ATP10D: variants seen among roughly 807,000 people sequenced by gnomAD.
The protein encoded by ATP10D is ATPase phospholipid transporting 10D (putative).
In ATP10D, 89 loss-of-function variants were observed where a neutral mutation model predicts 144.8. The observed-to-expected ratio is 0.61, with a 90% confidence interval of 0.52 to 0.73. The LOEUF is 0.73. Ranked by LOEUF, ATP10D falls within the 30% of genes least tolerant of loss-of-function variation. The pLI, the probability that ATP10D is intolerant of heterozygous loss-of-function variation, is 0.00. For missense variants in ATP10D, 1,603 were observed against 1,714.8 expected, an observed-to-expected ratio of 0.93 and a Z score of 1.15; for synonymous variants, 571 against 615.1, an observed-to-expected ratio of 0.93 and a Z score of 1.06.
chr4:47,578,267 C>T (rs1720336930), intron 19 of ATP10D: 1 of 152,144 alleles, frequency 6.6e-6, no homozygotes, highest in Non-Finnish European at 1.5e-5. Context: ...GGTCGTTTTC[C>T]TGTGTTCAGT....
chr4:47,526,663 T>C (rs1225240487), intron 5 of ATP10D, among the ~76,000 whole-genome samples: 1 of 152,194 alleles, frequency 6.6e-6, no homozygotes, highest in Non-Finnish European at 1.5e-5. Context: ...ATAATGAGTT[T>C]AGCAATGTTG....
chr4:47,525,446 C>A (rs1462473321), intron 4 of ATP10D, 111 bp from the exon 5 acceptor site: 14 of 751,886 alleles, frequency 1.9e-5, no homozygotes, highest in South Asian at 1.8e-5. Context: ...ATATGAACTT[C>A]ATTGCAAAAA....
In ATP10D at chr4:47,531,551, TA is replaced by T. The variant is rs1183080501; in HGVS notation, c.777-3957del. 5.9e-5 allele frequency among the ~76,000 whole-genome samples: 9 copies of T among 152,328 alleles called. 1 individual carries two copies. The South Asian group carries it at 8.3e-4, about 14-fold the overall frequency. ...GTGTATTTTGTTAAAAAGAAACATT[TA>T]TCCTGAAGTTATTGGGGTTAGTATT... On this transcript the variant is annotated intron_variant, in intron 5 of 22. Coordinates refer to ENST00000273859, the MANE Select transcript of ATP10D (RefSeq NM_020453.4).
At chr4:47,486,678 T>C (rs1714776596) in intron 1 of ATP10D, among the ~76,000 whole-genome samples, 1 of 152,218 alleles carries the variant, frequency 6.6e-6, no homozygotes, top group South Asian at 2.1e-4. Flanking sequence ...CTATTCTCAC[T>C]ACAAATACGT....
Position 47,558,292 on chromosome 4 carries a change from G to GAAAT in ATP10D, c.2434+21_2434+24dup. On this transcript the variant is annotated intron_variant, in intron 12 of 22. Coordinates refer to ENST00000273859, the MANE Select transcript of ATP10D (RefSeq NM_020453.4). ...TCCCCAGGTAAGTTTATACAAAAGT[G>GAAAT]AAATAGTAGTGATTTGAAAAGCTCG... 6.2e-7 allele frequency: 1 copy of GAAAT among 1,603,734 alleles called. No individual in the cohort carries two copies.
At chr4:47,551,569 T>C (rs1452040532) in intron 10 of ATP10D, among the ~76,000 whole-genome samples, 3 of 152,256 alleles carry the variant, frequency 2.0e-5, no homozygotes, top group Non-Finnish European at 4.4e-5. Context: ...TAGTAACATA[T>C]GACAATACAC....
chr4:47,577,748 G>A (rs1011051807), intron 19 of ATP10D, among the ~76,000 whole-genome samples: 3 of 152,182 alleles, frequency 2.0e-5, no homozygotes, highest in Non-Finnish European at 2.9e-5. Flanking sequence ...CACAGATTCA[G>A]CTTTCAGGAA....
chr4:47,555,314 C>A (rs1289303231), intron 11 of ATP10D, among the ~76,000 whole-genome samples: 1 of 152,216 alleles, frequency 6.6e-6, no homozygotes, highest in Non-Finnish European at 1.5e-5. Flanking sequence ...CCCAGAGAAT[C>A]TAATACCTGA....
intron 6 of ATP10D, 56 bp from the exon 7 acceptor site, chr4:47,535,846 A>G: frequency 1.3e-6 from 2 of 1,555,386 alleles, no homozygotes; most frequent in East Asian, 2.3e-5. Flanking sequence ...TAAATATGGT[A>G]TTCGCTTCTT....
intron 15 of ATP10D, among the ~76,000 whole-genome samples, chr4:47,566,672 A>T (rs1254079542): frequency 6.6e-6 from 1 of 152,128 alleles, no homozygotes; most frequent in Admixed American, 6.6e-5. Context: ...TTATTTGTAG[A>T]GTTATAGTTT....
chr4:47,584,542 A>G (rs1720689594), intron 21 of ATP10D, among the ~76,000 whole-genome samples: 1 of 151,668 alleles, frequency 6.6e-6, no homozygotes, highest in African/African-American at 2.4e-5. Flanking sequence ...ACAGGCGCCC[A>G]CCACCACGCC....
At chr4:47,507,777 G>T (rs997546742) in intron 1 of ATP10D, among the ~76,000 whole-genome samples, 5 of 152,158 alleles carry the variant, frequency 3.3e-5, no homozygotes, top group African/African-American at 1.2e-4. Flanking sequence ...CCATGCTCAG[G>T]GTTCTAATGG....
intron 20 of ATP10D, 80 bp downstream of exon 20, chr4:47,580,558 A>G: frequency 1.6e-6 from 2 of 1,259,740 alleles, no homozygotes; most frequent in Non-Finnish European, 1.2e-6. Context: ...ATTTCAGCAT[A>G]AAGGAGGGCA....
intron 19 of ATP10D, among the ~76,000 whole-genome samples, 189 bp from the exon 20 acceptor site, chr4:47,580,208 AT>A (rs796288737): frequency 6.6e-6 from 1 of 152,152 alleles, no homozygotes; most frequent in Non-Finnish European, 1.5e-5. Context: ...TCCTTCAAGG[AT>A]TTTTTTCATC....
chr4:47,545,869 T>G (rs758433947), intron 9 of ATP10D, among the ~76,000 whole-genome samples: 10 of 152,180 alleles, frequency 6.6e-5, no homozygotes, highest in Non-Finnish European at 1.2e-4. Context: ...TGGGAAGTCT[T>G]CACTTCCCAG....
chr4:47,547,874 C>T (rs1718523028), intron 10 of ATP10D, among the ~76,000 whole-genome samples: 1 of 152,076 alleles, frequency 6.6e-6, no homozygotes, highest in Admixed American at 6.5e-5. Context: ...TTCTGTGGCA[C>T]TAATATAAAA....
intron 19 of ATP10D, 53 bp downstream of exon 19, chr4:47,577,026 A>G: frequency 6.5e-7 from 1 of 1,539,964 alleles, no homozygotes; most frequent in South Asian, 1.1e-5. Flanking sequence ...TGTCAAAGCC[A>G]GTGTGTTTTC....
At position 47,591,356 on chromosome 4, in the gene ATP10D, G is replaced by T. The variant is rs753727748; in HGVS notation, c.4256G>T (p.Gly1419Val). 3.7e-6 allele frequency: 6 copies of T among 1,610,040 alleles called. No individual in the cohort carries two copies. In the African/African-American group the frequency reaches 8.0e-5, roughly 22 times the overall value. Reference protein sequence around the residue: ...YSETKAFEMAGPSKGKES With the variant: ...YSETKAFEMAVPSKGKES The stretch of plus-strand genomic sequence containing the variant: ...GAAACTAAGGCCTTTGAGATGGCTG[G>T]ACCCTCCAAAGGTAAAGAAAGCTAG... The change falls in exon 23 of 23, where the codon GGA (glycine) becomes GTA (valine). Residue 1419 changes from glycine to valine, a missense_variant. By Grantham distance (109) the Gly-to-Val change is moderately radical. Coordinates refer to ENST00000273859, the MANE Select transcript of ATP10D (RefSeq NM_020453.4).
chr4:47,572,852 T>G lies in ATP10D; in HGVS notation c.3241-20T>G, dbSNP rs768588749. The G allele has an allele frequency of 6.2e-7, 1 of 1,613,902 alleles. No individual in the cohort carries two copies. Among genetic ancestry groups the G allele is most frequent in the African/African-American group, 1.3e-5 (1 of 74,922 alleles). Reference sequence around the variant, plus strand: ...TGTTTGATCACTCAGGATGGCATTCTCTCCCCATTGCATCTGCAGGCTGTG... The same window carrying G: ...TGTTTGATCACTCAGGATGGCATTCGCTCCCCATTGCATCTGCAGGCTGTG... On this transcript the variant is annotated intron_variant, in intron 17 of 22. Transcript: ENST00000273859.
Sources: gnomAD v4.1 joint callset for allele counts (sites outside exome capture counted in the v4.1 genomes callset) on GRCh38, gnomAD v4.1.1 for gene constraint, MANE v1.5 for transcripts, NCBI Gene and HGNC (gene_info 2026-07-23, HGNC 2026-07-21) for gene names.